The following RLF variants were observed in gnomAD, a reference collection of about 807,000 sequenced individuals.
RLF encodes zinc finger protein Rlf.
A neutral mutation model predicts 162.9 loss-of-function variants in RLF; 7 were observed. The observed-to-expected ratio is 0.04, with a 90% CI of 0.02 to 0.08. RLF has a LOEUF of 0.08. Among genes scored for constraint, RLF ranks in the 10% least tolerant of loss-of-function variants. The pLI is 1.00. For missense variants in RLF, 1,664 were observed against 2,244.7 expected, an observed-to-expected ratio of 0.74 and a Z score of 5.23; for synonymous variants, 782 against 791.5, an observed-to-expected ratio of 0.99 and a Z score of 0.20.
intron 5 of RLF, among the ~76,000 whole-genome samples, chr1:40,211,614 CT>C (rs949055012): frequency 4.6e-5 from 7 of 151,380 alleles, no homozygotes; most frequent in African/African-American, 1.5e-4. Flanking sequence ...ACTAGTCAGT[CT>C]TTTTTTTTCC....
chr1:40,209,743 G>A (rs1642843055), intron 5 of RLF, among the ~76,000 whole-genome samples: 1 of 152,040 alleles, frequency 6.6e-6, no homozygotes, highest in Admixed American at 6.6e-5. Flanking sequence ...CAGGTGTGGT[G>A]GTGTGCGCCT....
intron 5 of RLF, among the ~76,000 whole-genome samples, chr1:40,215,909 C>T (rs1476054862): frequency 1.3e-5 from 2 of 151,182 alleles, no homozygotes; most frequent in Non-Finnish European, 2.9e-5. Context: ...AAACTGAAAG[C>T]AAGCAGAAGG....
intron 5 of RLF, among the ~76,000 whole-genome samples, chr1:40,203,208 G>C (rs572863544): frequency 1.4e-5 from 2 of 146,962 alleles, no homozygotes; most frequent in Admixed American, 1.4e-4. Context: ...TCTGCCTCCC[G>C]GGTTCAAGTG....
At chr1:40,202,137 C>A (rs1421576576) in intron 4 of RLF, among the ~76,000 whole-genome samples, 1 of 152,128 alleles carries the variant, frequency 6.6e-6, no homozygotes, top group Non-Finnish European at 1.5e-5. Flanking sequence ...CAGCTTAAAA[C>A]TTGATGTCTC....
At position 40,161,448 on chromosome 1, in the gene RLF, G is replaced by GAGGCTC; in HGVS notation, c.50_55dup (p.Ala18_Pro19insGlnAla). The GAGGCTC allele has an allele frequency of 6.3e-7, 1 of 1,578,184 alleles. No homozygotes were observed. The highest frequency in any genetic ancestry group is 8.6e-7 in the Non-Finnish European group (1 of 1,164,378). Reference sequence around the variant, plus strand: ...CGCCGCTGTCGCCGGGGCTGGGGCTGAGGCTCCGGCGGTAGCGGGAGCCGG... The same window carrying GAGGCTC: ...CGCCGCTGTCGCCGGGGCTGGGGCTGAGGCTCAGGCTCCGGCGGTAGCGGGAGCCGG... On this transcript the variant is annotated inframe_insertion, in exon 1 of 8. Coordinates refer to ENST00000372771, the MANE Select transcript of RLF (RefSeq NM_012421.4). This position sits in a 1 kb window ranked among gnomAD's most constrained non-coding sequence, Gnocchi z 4.4.
At position 40,240,546 on chromosome 1, in the gene RLF, A is replaced by C. The variant is rs1643280258; in HGVS notation, c.*99A>C. 1.3e-6 allele frequency: 1 copy of C among 788,880 alleles called. No homozygotes were observed. Among genetic ancestry groups the C allele is most frequent in the African/African-American group, 1.7e-5 (1 of 57,370 alleles). 48.9% of individuals were successfully genotyped at this position (788,880 alleles called of 1,614,324 possible). ...CTGAGAAGCAGCCACACCGTTGTTT[A>C]GGGTAGAATAGGCTGTGTATTTACA... On this transcript the variant is annotated 3_prime_UTR_variant, in exon 8 of 8. Coordinates refer to ENST00000372771, the MANE Select transcript of RLF (RefSeq NM_012421.4).
intron 5 of RLF, among the ~76,000 whole-genome samples, chr1:40,216,272 C>G (rs1642922979): frequency 6.6e-6 from 1 of 152,074 alleles, no homozygotes; most frequent in Non-Finnish European, 1.5e-5. Flanking sequence ...CACATGAGGC[C>G]AGAAGTTTGA....
chr1:40,202,369 A>G lies in RLF; in HGVS notation c.608-43A>G, dbSNP rs959932668. ...TTCATCTTAGCAAGTCTGACATGTTATGTGGTATGTTGTCAAACTGTTTTA... is the reference window on the plus strand; with the variant it reads ...TTCATCTTAGCAAGTCTGACATGTTGTGTGGTATGTTGTCAAACTGTTTTA... On this transcript the variant is annotated intron_variant, in intron 4 of 7. Transcript: ENST00000372771. 8.8e-6 allele frequency: 11 copies of G among 1,244,954 alleles called. No individual in the cohort carries two copies. The East Asian group carries it at 1.7e-4, about 20-fold the overall frequency. The allele number at this position is 1,244,954 out of a possible 1,614,324, so 77.1% of individuals were successfully genotyped here.
In RLF at chr1:40,224,623, C is replaced by CTTTTTTT. The variant is rs1168908018; in HGVS notation, c.947+1938_947+1944dup. On this transcript the variant is annotated intron_variant, in intron 6 of 7. Coordinates refer to ENST00000372771, the MANE Select transcript of RLF (RefSeq NM_012421.4). ...TTTCCCCTTCCATTGTTTTTGAAAG[C>CTTTTTTT]TTTTTTTTTTTTTTTTTTTTTTTTT... Among the ~76,000 whole-genome samples the CTTTTTTT allele has an allele frequency of 8.7e-4, 29 of 33,262 alleles. 1 individual carries two copies. Among genetic ancestry groups the CTTTTTTT allele is most frequent in the East Asian group, 5.5e-3 (4 of 728 alleles). The allele number at this position is 33,262 out of a possible 152,430, so 21.8% of individuals were successfully genotyped here. A position where few individuals can be genotyped will look rare whatever the true frequency, so the allele number is the denominator to read the frequency against.
intron 5 of RLF, among the ~76,000 whole-genome samples, chr1:40,221,899 C>CAAAAAAAA (rs895455745): frequency 0.047 from 3,029 of 64,802 alleles, 373 homozygotes; most frequent in African/African-American, 0.17. Flanking sequence ...GACTCCGTCT[C>CAAAAAAAA]AAAAAAAAAA....
intron 5 of RLF, among the ~76,000 whole-genome samples, chr1:40,211,714 C>T (rs1384641129): frequency 1.3e-5 from 2 of 151,968 alleles, no homozygotes; most frequent in Non-Finnish European, 2.9e-5. Flanking sequence ...CTCTGCCTCT[C>T]GGGTTCAAGT....
Position 40,238,807 on chromosome 1 carries a change from T to C in RLF, c.4105T>C (p.Cys1369Arg), listed in dbSNP as rs1384684831. ...GATATTTGCTTGCAAATATAAGGAATGTAATAAACGCTTCCTGTGTTCCAA... is the reference window on the plus strand; with the variant it reads ...GATATTTGCTTGCAAATATAAGGAACGTAATAAACGCTTCCTGTGTTCCAA... ...KKIFACKYKE[C>R]NKRFLCSKAL... Residue 1369 changes from cysteine to arginine, a missense_variant, in exon 8 of 8, where the codon TGT becomes CGT. Around this residue, in one of 15 missense-constraint regions of RLF, gnomAD observed 200 missense variants for 207.3 expected, o/e 0.96. Transcript: ENST00000372771. The surrounding 1 kb of genome is among the most constrained non-coding windows in gnomAD (Gnocchi z 5.2). 2 of 1,613,288 alleles carry C rather than the reference T, an allele frequency of 1.2e-6. No homozygotes were observed. Among genetic ancestry groups the C allele is most frequent in the South Asian group, 1.1e-5 (1 of 90,872 alleles).
chr1:40,176,956 TTC>T (rs544513548), intron 1 of RLF, among the ~76,000 whole-genome samples: 2 of 151,888 alleles, frequency 1.3e-5, no homozygotes, highest in Non-Finnish European at 2.9e-5. Flanking sequence ...AACAGTATAT[TTC>T]TTTCTTTTTT....
intron 5 of RLF, among the ~76,000 whole-genome samples, chr1:40,205,727 G>A (rs1468711880): frequency 2.0e-5 from 3 of 152,078 alleles, no homozygotes; most frequent in African/African-American, 4.8e-5. Context: ...TCCTGACCTC[G>A]TGATCCGCTC....
chr1:40,161,725 C>G lies in RLF; in HGVS notation c.237+89C>G, dbSNP rs1642088073. On this transcript the variant is annotated intron_variant, in intron 1 of 7. Coordinates refer to ENST00000372771, the MANE Select transcript of RLF (RefSeq NM_012421.4). This position sits in a 1 kb window ranked among gnomAD's most constrained non-coding sequence, Gnocchi z 4.4. ...TCCTCTGTAAGCAGCCGGGTCCAAA[C>G]TGAAAGGCGCCACCTCCGTGACTCG... is the stretch of plus-strand genomic sequence containing the variant. 2 of 1,511,744 alleles carry G rather than the reference C, an allele frequency of 1.3e-6. No individual in the cohort carries two copies. The highest frequency in any genetic ancestry group is 1.2e-5 in the South Asian group (1 of 80,988). 93.6% of individuals were successfully genotyped at this position (1,511,744 alleles called of 1,614,324 possible).
chr1:40,212,635 A>G (rs1190271903), intron 5 of RLF, among the ~76,000 whole-genome samples: 5 of 152,208 alleles, frequency 3.3e-5, no homozygotes, highest in Admixed American at 6.5e-5. Flanking sequence ...CAGTTAAGGC[A>G]GGGGTCCGTT....
chr1:40,192,275 A>C (rs1003061926), intron 3 of RLF, among the ~76,000 whole-genome samples: 8 of 152,188 alleles, frequency 5.3e-5, no homozygotes, highest in Non-Finnish European at 1.2e-4. Context: ...GGCATCCTAG[A>C]AGGGCAAATC....
chr1:40,170,503 C>T (rs2124524763), intron 1 of RLF, among the ~76,000 whole-genome samples: 1 of 152,276 alleles, frequency 6.6e-6, no homozygotes, highest in Non-Finnish European at 1.5e-5. Context: ...TCAAGTGAGC[C>T]TCCCAAAGTG....
In RLF at chr1:40,202,434, A is replaced by T; in HGVS notation, c.630A>T (p.Glu210Asp). 6.3e-7 allele frequency: 1 copy of T among 1,575,790 alleles called. No individual in the cohort carries two copies. Among genetic ancestry groups the T allele is most frequent in the Non-Finnish European group, 8.6e-7 (1 of 1,167,896 alleles). Reference sequence around the variant, plus strand: ...TAGTCAATAAATTGATTGCACAAGAAGGACCTTCCTTTCTGCAAATGCGAA... The same window carrying T: ...TAGTCAATAAATTGATTGCACAAGATGGACCTTCCTTTCTGCAAATGCGAA... ...TEEVNKLIAQ[E>D]GPSFLQMRIK... Residue 210 changes from glutamate to aspartate, a missense_variant, in exon 5 of 8, where the codon GAA becomes GAT. Physicochemically the swap from Glu to Asp is conservative, Grantham distance 45 (BLOSUM62 2). Transcript: ENST00000372771.
Sources: gnomAD v4.1 joint callset for allele counts (sites outside exome capture counted in the v4.1 genomes callset) on GRCh38, gnomAD v4.1.1 for gene constraint, gnomAD v4.1.1 regional missense constraint, Gnocchi (gnomAD v3.1) non-coding constraint, MANE v1.5 for transcripts, NCBI Gene and HGNC (gene_info 2026-07-23, HGNC 2026-07-21) for gene names.